Variants in ERGIC1 observed in about 807,000 individuals in gnomAD.
ERGIC1 encodes endoplasmic reticulum-golgi intermediate compartment 1, also known as endoplasmic reticulum-Golgi intermediate compartment protein 1.
In ERGIC1, 19 loss-of-function variants were observed where a neutral mutation model predicts 38.3. The ratio of observed to expected loss-of-function variants is 0.50; its 90% CI spans 0.35 to 0.73. The LOEUF (loss-of-function observed/expected upper bound fraction) is 0.73, where lower values mean the gene tolerates loss of function less well. Among genes scored for constraint, ERGIC1 ranks in the 30% least tolerant of loss-of-function variants. The probability of loss-of-function intolerance (pLI) is 0.01; values close to 1 mark genes in which losing one functional copy is unlikely to be tolerated. For synonymous variants in ERGIC1, 124 were observed against 157.6 expected, an observed-to-expected ratio of 0.79 and a Z score of 1.60; for missense variants, 294 against 389.2, an observed-to-expected ratio of 0.76 and a Z score of 2.06.
chr5:172,889,164 G>A (rs148481761), intron 2 of ERGIC1, among the ~76,000 whole-genome samples: 8,019 of 152,056 alleles, frequency 0.053, 651 homozygotes, highest in African/African-American at 0.18. Flanking sequence ...CATGCCTGTA[G>A]TCCCATCTAC....
rs1233163243 is a variant in ERGIC1, at chr5:172,834,668, G to C, written c.20+235G>C. Among the ~76,000 whole-genome samples the C allele has an allele frequency of 1.6e-5, 2 of 123,298 alleles. No individual in the cohort carries two copies. Among genetic ancestry groups the C allele is most frequent in the East Asian group, 4.8e-4 (2 of 4,196 alleles). 80.9% of individuals were successfully genotyped at this position (123,298 alleles called of 152,430 possible). A position where few individuals can be genotyped will look rare whatever the true frequency, so the allele number is the denominator to read the frequency against. ...CAAATCCACCCACCTTCCCTCCGCC[G>C]AGCCCCCTCCCCAGCCTGCCCGGAT... On this transcript the variant is annotated intron_variant, in intron 1 of 9. Transcript: ENST00000393784. This position sits in a 1 kb window ranked among gnomAD's most constrained non-coding sequence, Gnocchi z 4.1.
At chr5:172,900,357 A>T (rs1048391585) in intron 3 of ERGIC1, among the ~76,000 whole-genome samples, 2 of 151,782 alleles carry the variant, frequency 1.3e-5, no homozygotes, top group Non-Finnish European at 2.9e-5. Flanking sequence ...TCCCAGCGGC[A>T]TCCCGGACGC....
Position 172,926,538 on chromosome 5 carries a change from T to C in ERGIC1, c.510T>C (p.Ala170=), listed in dbSNP as rs1561739570. The change falls in exon 7 of 10, where the codon GCT becomes GCC. Residue 170 remains alanine (A), a synonymous_variant. Coordinates refer to ENST00000393784, the MANE Select transcript of ERGIC1 (RefSeq NM_001031711.3). The surrounding 1 kb of genome is among the most constrained non-coding windows in gnomAD (Gnocchi z 5.2). ...AGAACATCCACGGAGCTTTCAATGC[T>C]CTCGGGGGAGCAGACAGACTCACCT... is the stretch of plus-strand genomic sequence containing the variant. ...QVQNIHGAFN[A]LGGADRLTSN... is the part of the protein sequence containing the mutation. 6.2e-7 allele frequency: 1 copy of C among 1,613,112 alleles called. No individual in the cohort carries two copies.
chr5:172,947,326 G>GCCA (rs1764145579), intron 9 of ERGIC1, among the ~76,000 whole-genome samples: 1 of 152,174 alleles, frequency 6.6e-6, no homozygotes, highest in Non-Finnish European at 1.5e-5. Context: ...TGGGACTACA[G>GCCA]CCACCACACC....
Position 172,950,955 on chromosome 5 carries a change from G to T in ERGIC1, c.*139G>T. 1.6e-6 allele frequency: 1 copy of T among 616,614 alleles called. No homozygotes were observed. Among genetic ancestry groups the T allele is most frequent in the Non-Finnish European group, 2.7e-6 (1 of 375,510 alleles). The allele number at this position is 616,614 out of a possible 1,614,324, so 38.2% of individuals were successfully genotyped here. On this transcript the variant is annotated 3_prime_UTR_variant, in exon 10 of 10. Transcript: ENST00000393784. ...TGTGGGAAGTGGGGGGAAAGTAGAG[G>T]ATGGCTCGATGTTTTGCAGCTACCT...
intron 3 of ERGIC1, chr5:172,905,599 C>G (rs1762997251): frequency 1.9e-5 from 7 of 368,364 alleles, no homozygotes; most frequent in South Asian, 1.2e-4. Context: ...TGGCCAGCCT[C>G]TAGTCCGATC....
At chr5:172,843,681 C>G (rs79097689) in intron 1 of ERGIC1, among the ~76,000 whole-genome samples, 1,779 of 152,340 alleles carry the variant, frequency 0.012, 28 homozygotes, top group African/African-American at 0.04. Context: ...CCCTTGCAAA[C>G]CCCTCTGGGG....
intron 1 of ERGIC1, among the ~76,000 whole-genome samples, chr5:172,880,902 A>C (rs1031646059): frequency 6.6e-6 from 1 of 152,152 alleles, no homozygotes; most frequent in East Asian, 1.9e-4. Flanking sequence ...AGTTTTTCTT[A>C]AGTCCAGTTG....
chr5:172,852,831 A>T (rs1411244203), intron 1 of ERGIC1, among the ~76,000 whole-genome samples: 1 of 152,276 alleles, frequency 6.6e-6, no homozygotes, highest in East Asian at 1.9e-4. Context: ...TGCTCAGCAC[A>T]TGTGGCTGTG....
intron 9 of ERGIC1, among the ~76,000 whole-genome samples, chr5:172,942,189 G>A (rs1466880982): frequency 2.0e-5 from 3 of 151,968 alleles, no homozygotes; most frequent in East Asian, 3.9e-4. Flanking sequence ...GCAAGACTCC[G>A]TCTCAAAAAA....
At chr5:172,876,108 A>G (rs1458690511) in intron 1 of ERGIC1, among the ~76,000 whole-genome samples, 4 of 152,178 alleles carry the variant, frequency 2.6e-5, no homozygotes, top group African/African-American at 9.7e-5. Context: ...TCTCTTTGAG[A>G]TGCTCAGATG....
intron 1 of ERGIC1, among the ~76,000 whole-genome samples, chr5:172,879,696 C>T (rs1012720232): frequency 1.3e-5 from 2 of 152,312 alleles, no homozygotes; most frequent in African/African-American, 2.4e-5. Flanking sequence ...CATCACCCAT[C>T]GGGGGCAGGA....
chr5:172,845,951 T>C (rs1430420329), intron 1 of ERGIC1, among the ~76,000 whole-genome samples: 3 of 152,160 alleles, frequency 2.0e-5, no homozygotes, highest in Non-Finnish European at 4.4e-5. Context: ...CGGTCCCTGT[T>C]TTCTATGACC....
At chr5:172,906,101 T>C (rs1329202931) in intron 3 of ERGIC1, 1 of 456,204 alleles carries the variant, frequency 2.2e-6, no homozygotes, top group Non-Finnish European at 4.4e-6. Flanking sequence ...CCTGGGCTCC[T>C]GTTTGCCTCT....
Position 172,837,804 on chromosome 5 carries a change from G to T in ERGIC1, c.20+3371G>T, listed in dbSNP as rs984846981. ...GTTTCACTAATGGCTGGCTGTTGCA[G>T]TTGTGGAACTAGCCTTGTGACCCAC... On this transcript the variant is annotated intron_variant, in intron 1 of 9. Transcript: ENST00000393784. The surrounding 1 kb of genome is among the most constrained non-coding windows in gnomAD (Gnocchi z 4.3). Among the ~76,000 whole-genome samples, 7 of 152,256 alleles carry T rather than the reference G, an allele frequency of 4.6e-5. No homozygotes were observed. The highest frequency in any genetic ancestry group is 1.7e-4 in the African/African-American group (7 of 41,464).
Position 172,834,520 on chromosome 5 carries a change from A to C in ERGIC1, c.20+87A>C. On this transcript the variant is annotated intron_variant, in intron 1 of 9. Coordinates refer to ENST00000393784, the MANE Select transcript of ERGIC1 (RefSeq NM_001031711.3). This position sits in a 1 kb window ranked among gnomAD's most constrained non-coding sequence, Gnocchi z 4.1. ...ACGCCGCGGACCCCTCCCGCCCTGCATGCAAAAGCGGCTCCCCGCCCTGTG... is the reference window on the plus strand; with the variant it reads ...ACGCCGCGGACCCCTCCCGCCCTGCCTGCAAAAGCGGCTCCCCGCCCTGTG... 8.3e-6 allele frequency: 10 copies of C among 1,210,090 alleles called. No individual in the cohort carries two copies. The highest frequency in any genetic ancestry group is 1.6e-5 in the African/African-American group (1 of 63,088). The allele number at this position is 1,210,090 out of a possible 1,614,324, so 75.0% of individuals were successfully genotyped here. A position where few individuals can be genotyped will look rare whatever the true frequency, so the allele number is the denominator to read the frequency against.
chr5:172,860,114 T>C (rs958905575), intron 1 of ERGIC1, among the ~76,000 whole-genome samples: 2 of 150,462 alleles, frequency 1.3e-5, no homozygotes, highest in African/African-American at 4.9e-5. Context: ...CGAACAGCAT[T>C]GATTCAGTGC....
At chr5:172,927,175 C>T in intron 7 of ERGIC1, 1 of 153,384 alleles carries the variant, frequency 6.5e-6, no homozygotes. Flanking sequence ...TCACATGGCC[C>T]CAGACACGTG....
chr5:172,868,415 C>T (rs571172876), intron 1 of ERGIC1, among the ~76,000 whole-genome samples: 11 of 152,130 alleles, frequency 7.2e-5, no homozygotes, highest in African/African-American at 2.7e-4. Context: ...CATGGAGGAA[C>T]CTTACATGCC....
Sources: allele counts gnomAD v4.1 joint callset (sites outside exome capture counted in the v4.1 genomes callset), GRCh38; gene constraint gnomAD v4.1.1; non-coding constraint Gnocchi (gnomAD v3.1); transcripts MANE v1.5; gene names NCBI Gene and HGNC (gene_info 2026-07-23, HGNC 2026-07-21).